Variants in NELL1 observed in about 807,000 individuals in gnomAD.
NELL1 encodes neural EGFL like 1.
Under a neutral mutation model 107.4 loss-of-function variants are expected in NELL1, and 76 were observed. That is an observed-to-expected ratio of 0.71 (90% CI 0.59 to 0.86). The LOEUF (loss-of-function observed/expected upper bound fraction) is 0.86. Ranked by LOEUF, NELL1 falls within the 40% of genes least tolerant of loss-of-function variation. The pLI, the probability that NELL1 is intolerant of heterozygous loss-of-function variation, is 0.00. For synonymous variants in NELL1, 353 were observed against 341.2 expected (o/e 1.03, Z -0.38); for missense variants, 1,024 against 1,005.5 (o/e 1.02, Z -0.25).
At chr11:21,328,105 G>A (rs933530841) in intron 14 of NELL1, among the ~76,000 whole-genome samples, 2 of 152,148 alleles carry the variant, frequency 1.3e-5, no homozygotes, top group African/African-American at 4.8e-5. Flanking sequence ...AAGACAATGG[G>A]GAAAATGTCT....
chr11:20,672,970 GCCCCCCCCC>G (rs10592573), intron 1 of NELL1, among the ~76,000 whole-genome samples: 6,166 of 100,916 alleles, frequency 0.061, 893 homozygotes, highest in East Asian at 0.34. Context: ...TCCTGCCTCA[GCCCCCCCCC>G]CCCCCCCCGA....
chr11:21,548,769 T>C (rs968386282), intron 16 of NELL1, among the ~76,000 whole-genome samples: 9 of 151,632 alleles, frequency 5.9e-5, no homozygotes, highest in Non-Finnish European at 1.3e-4. Flanking sequence ...GGGACAAGCC[T>C]GGCTTTAAGT....
rs75441451 is a variant in NELL1 at position 20,782,773 on chromosome 11, A to G, written c.185-907A>G. Among the ~76,000 whole-genome samples, 42 of 152,334 alleles carry G rather than the reference A, an allele frequency of 2.8e-4. No individual in the cohort carries two copies. The East Asian group carries it at 8.1e-3, about 29-fold the overall frequency. On this transcript the variant is annotated intron_variant, in intron 2 of 19. Transcript: ENST00000357134. ...ATGTTCATTTATCATCCTCTGAATA[A>G]TCTTCTCTAACTTTGCTCCCTTAGT... is the stretch of plus-strand genomic sequence containing the variant.
chr11:21,278,162 T>C (rs950361826), intron 14 of NELL1, among the ~76,000 whole-genome samples: 4 of 152,068 alleles, frequency 2.6e-5, no homozygotes, highest in African/African-American at 9.7e-5. Context: ...AAAGAACATA[T>C]ACAAAAACCC....
At chr11:20,844,043 T>C (rs1164774127) in intron 3 of NELL1, among the ~76,000 whole-genome samples, 1 of 152,210 alleles carries the variant, frequency 6.6e-6, no homozygotes, top group Non-Finnish European at 1.5e-5. Flanking sequence ...GGGGTGTTAG[T>C]TGATGGGAAA....
rs149877226 is a variant in NELL1 at position 20,871,549 on chromosome 11, G to A, written c.507-13895G>A. Among the ~76,000 whole-genome samples the A allele has an allele frequency of 2.8e-3, 423 of 152,168 alleles. 1 individual carries two copies. The highest frequency in any genetic ancestry group is 9.7e-3 in the African/African-American group (402 of 41,512). ...CAACTATTATTAATGGTCATAGTCA[G>A]GAGAACTCTTTCATTTCTTTATAAT... On this transcript the variant is annotated intron_variant, in intron 4 of 19. Transcript: ENST00000357134.
In NELL1 at chr11:21,087,620, C is replaced by T. The variant is rs558353196; in HGVS notation, c.1301-25969C>T. On this transcript the variant is annotated intron_variant, in intron 12 of 19. Transcript: ENST00000357134. The stretch of plus-strand genomic sequence containing the variant: ...GGGAAGTTGTTTGGGACATAAGGTG[C>T]TTTAAACACCAGGGTCAGCTGAAAT... 2.0e-5 allele frequency among the ~76,000 whole-genome samples: 3 copies of T among 152,190 alleles called. No individual in the cohort carries two copies. The East Asian group carries it at 5.8e-4, about 29-fold the overall frequency.
chr11:21,362,990 T>TTGGCG (rs1329136173), intron 14 of NELL1, among the ~76,000 whole-genome samples: 11 of 147,228 alleles, frequency 7.5e-5, no homozygotes, highest in African/African-American at 2.5e-4. Flanking sequence ...CCAGCTCCCA[T>TTGGCG]ACAGTTGGCG....
chr11:20,835,313 A>G (rs1311396569), intron 3 of NELL1, among the ~76,000 whole-genome samples: 3 of 152,178 alleles, frequency 2.0e-5, no homozygotes, highest in Non-Finnish European at 2.9e-5. Flanking sequence ...CATACTTTGT[A>G]TTAAGTAAGT....
chr11:21,145,807 C>T (rs1018566447), intron 13 of NELL1, among the ~76,000 whole-genome samples: 1 of 152,104 alleles, frequency 6.6e-6, no homozygotes, highest in African/African-American at 2.4e-5. Context: ...AGGAGTAGCA[C>T]GTGTGTTAAT....
At chr11:20,928,700 C>T (rs776929326) in intron 9 of NELL1, among the ~76,000 whole-genome samples, 1 of 152,034 alleles carries the variant, frequency 6.6e-6, no homozygotes, top group Non-Finnish European at 1.5e-5. Flanking sequence ...CTCACATCAC[C>T]TGTAATTACT....
chr11:21,251,811 C>A (rs998002646), intron 14 of NELL1, among the ~76,000 whole-genome samples: 14 of 151,956 alleles, frequency 9.2e-5, no homozygotes, highest in Admixed American at 6.6e-4. Flanking sequence ...TGGAAATATT[C>A]AATGAACCAA....
chr11:21,123,539 T>C (rs1855420968), intron 13 of NELL1, among the ~76,000 whole-genome samples: 1 of 152,062 alleles, frequency 6.6e-6, no homozygotes. Flanking sequence ...GATACACATA[T>C]ATAGATAGAC....
intron 2 of NELL1, among the ~76,000 whole-genome samples, chr11:20,724,321 C>T (rs1855460915): frequency 6.6e-6 from 1 of 152,184 alleles, no homozygotes; most frequent in Non-Finnish European, 1.5e-5. Flanking sequence ...TGCAAATTTT[C>T]CAAACTTATA....
At chr11:20,708,835 C>G (rs1055838368) in intron 2 of NELL1, among the ~76,000 whole-genome samples, 2 of 152,086 alleles carry the variant, frequency 1.3e-5, no homozygotes, top group African/African-American at 4.8e-5. Context: ...CTTTTTGGCA[C>G]CAGGGACCAG....
chr11:21,020,261 G>T (rs1294194745), intron 12 of NELL1, among the ~76,000 whole-genome samples: 1 of 152,074 alleles, frequency 6.6e-6, no homozygotes, highest in Non-Finnish European at 1.5e-5. Flanking sequence ...CAACATTATT[G>T]TGTGGTTCTC....
At chr11:20,881,481 C>T (rs191221108) in intron 4 of NELL1, among the ~76,000 whole-genome samples, 11 of 152,090 alleles carry the variant, frequency 7.2e-5, no homozygotes, top group South Asian at 4.1e-4. Flanking sequence ...TAACCAAGGA[C>T]GAGTTATTTG....
At chr11:20,778,219 G>A (rs2133976626) in intron 2 of NELL1, among the ~76,000 whole-genome samples, 1 of 152,128 alleles carries the variant, frequency 6.6e-6, no homozygotes, top group Non-Finnish European at 1.5e-5. Flanking sequence ...TTTGTGCACT[G>A]CCCTATTCTG....
At chr11:21,131,097 C>G (rs1408669437) in intron 13 of NELL1, among the ~76,000 whole-genome samples, 1 of 152,010 alleles carries the variant, frequency 6.6e-6, no homozygotes, top group Non-Finnish European at 1.5e-5. Context: ...GTCAGGATGC[C>G]TAATGCTGGA....
Sources: allele counts gnomAD v4.1 joint callset (sites outside exome capture counted in the v4.1 genomes callset), GRCh38; gene constraint gnomAD v4.1.1; transcripts MANE v1.5; gene names NCBI Gene and HGNC (gene_info 2026-07-23, HGNC 2026-07-21).